VRTN: variants seen among roughly 807,000 people sequenced by gnomAD.
VRTN encodes the protein vertnin.
Under a neutral mutation model 18.2 loss-of-function variants are expected in VRTN, and 5 were observed. The ratio of observed to expected loss-of-function variants is 0.27; its 90% CI spans 0.14 to 0.58. VRTN has a LOEUF of 0.58. Among genes scored for constraint, VRTN ranks in the 20% least tolerant of loss-of-function variants. VRTN has a pLI of 0.91. For synonymous variants in VRTN, 381 were observed against 393.7 expected, an observed-to-expected ratio of 0.97 and a Z score of 0.38; for missense variants, 741 against 939.4, an observed-to-expected ratio of 0.79 and a Z score of 2.76.
At chr14:74,313,535 G>A (rs1403958970) in intron 1 of VRTN, among the ~76,000 whole-genome samples, 1 of 152,186 alleles carries the variant, frequency 6.6e-6, no homozygotes, top group Non-Finnish European at 1.5e-5. Context: ...TTCCCCAAGT[G>A]AGAACAGCCT....
At chr14:74,346,221 C>A (rs1456313008), upstream of VRTN, among the ~76,000 whole-genome samples, 1 of 151,872 alleles carries the variant, frequency 6.6e-6, no homozygotes, top group African/African-American at 2.4e-5. Flanking sequence ...CAGGATCACT[C>A]GAGCTCGGAG....
At chr14:74,336,017 A>G (rs2085561581) in intron 1 of VRTN, among the ~76,000 whole-genome samples, 1 of 151,750 alleles carries the variant, frequency 6.6e-6, no homozygotes, top group South Asian at 2.1e-4. Context: ...CTGGTATTAC[A>G]GGTGTGAGCC....
intron 1 of VRTN, among the ~76,000 whole-genome samples, chr14:74,321,376 C>T (rs758739578): frequency 1.3e-5 from 2 of 152,092 alleles, no homozygotes; most frequent in Admixed American, 6.6e-5. Flanking sequence ...TTTCACAGAA[C>T]GCAAAACTGA....
At chr14:74,339,466 A>G (rs1244955157) in intron 2 of VRTN, among the ~76,000 whole-genome samples, 3 of 152,020 alleles carry the variant, frequency 2.0e-5, no homozygotes, top group Non-Finnish European at 4.4e-5. Flanking sequence ...AGGGTAAAAG[A>G]GAAGGGTGGA....
chr14:74,342,141 G>A lies in VRTN; in HGVS notation c.-2+4257G>A, dbSNP rs532207229. ...CTCCTGTTCCTCAGGAGGCAGAGGC[G>A]GAGGCAGAGGCAGAAGAATCCCTTG... is the stretch of plus-strand genomic sequence containing the variant. On this transcript the variant is annotated intron_variant, in intron 2 of 2. Coordinates refer to the VRTN transcript ENST00000557177. Among the ~76,000 whole-genome samples, 12 of 152,116 alleles carry A rather than the reference G, an allele frequency of 7.9e-5. No individual in the cohort carries two copies. The East Asian group carries it at 2.1e-3, about 27-fold the overall frequency.
chr14:74,343,888 C>T (rs1252726264), upstream of VRTN, among the ~76,000 whole-genome samples: 3 of 151,798 alleles, frequency 2.0e-5, no homozygotes, highest in Non-Finnish European at 4.4e-5. Flanking sequence ...CTCCGCCTCC[C>T]GGGTTCAAGT....
chr14:74,351,996 A>G (rs2085688547), intron 1 of VRTN, among the ~76,000 whole-genome samples: 1 of 151,500 alleles, frequency 6.6e-6, no homozygotes, highest in Non-Finnish European at 1.5e-5. Context: ...GGCGCGGGCC[A>G]CCATGCCCAG....
chr14:74,320,656 G>A (rs539286429), intron 1 of VRTN, among the ~76,000 whole-genome samples: 2 of 124,420 alleles, frequency 1.6e-5, no homozygotes, highest in East Asian at 2.4e-4. Context: ...GCGTGATCTC[G>A]GCTCACTGCA....
exon 1 of VRTN, chr14:74,303,097 C>G: frequency 1.9e-6 from 1 of 528,392 alleles, no homozygotes. Context: ...ACTCGGCTGA[C>G]CCGGCGGCTA....
chr14:74,355,600 TCTCTA>T (rs2085720615), intron 1 of VRTN, among the ~76,000 whole-genome samples: 1 of 152,158 alleles, frequency 6.6e-6, no homozygotes, highest in Non-Finnish European at 1.5e-5. Flanking sequence ...AGTGGCATGA[TCTCTA>T]CTCAGTGCGG....
intron 1 of VRTN, among the ~76,000 whole-genome samples, chr14:74,352,370 G>A (rs931717246): frequency 1.3e-5 from 2 of 151,054 alleles, no homozygotes; most frequent in African/African-American, 4.9e-5. Flanking sequence ...GTAGAGATGG[G>A]GTTTCACCAT....
Position 74,320,563 on chromosome 14 carries a change from C to CTT in VRTN, c.-163-17120_-163-17119dup, listed in dbSNP as rs35884901. 1.6e-4 allele frequency among the ~76,000 whole-genome samples: 7 copies of CTT among 45,028 alleles called. 2 individuals are homozygous for CTT. Among genetic ancestry groups the CTT allele is most frequent in the African/African-American group, 2.2e-4 (3 of 13,644 alleles). The allele number at this position is 45,028 out of a possible 152,430, so 29.5% of individuals were successfully genotyped here. A position where few individuals can be genotyped will look rare whatever the true frequency, so the allele number is the denominator to read the frequency against. On this transcript the variant is annotated intron_variant, in intron 1 of 2. Coordinates refer to the VRTN transcript ENST00000557177. The stretch of plus-strand genomic sequence containing the variant: ...AGACTTGAGCCACTGCGCCCGGCCT[C>CTT]TTTTTTTTTTTTTTTTTTTTTTTTT...
At chr14:74,330,169 C>T (rs143700416) in intron 1 of VRTN, among the ~76,000 whole-genome samples, 207 of 152,110 alleles carry the variant, frequency 1.4e-3, no homozygotes, top group Non-Finnish European at 2.5e-3. Context: ...GCCACTGTGC[C>T]GGGCCTGGAA....
At chr14:74,320,316 A>AG (rs1216822834) in intron 1 of VRTN, among the ~76,000 whole-genome samples, 1 of 123,900 alleles carries the variant, frequency 8.1e-6, no homozygotes, top group African/African-American at 3.1e-5. Context: ...GCTGGAGTGC[A>AG]GTGGCACAAT....
chr14:74,337,657 A>C (rs1478016446), intron 1 of VRTN: 1 of 152,148 alleles, frequency 6.6e-6, no homozygotes. Context: ...CCTAGTGGGT[A>C]CCTGTGCCTG....
Position 74,358,487 on chromosome 14 carries a change from G to T in VRTN, c.1704G>T (p.Gly568=), listed in dbSNP as rs527249475. ...TGCCGGTCCCCACCTTGGGCAAAGG[G>T]GGGCAGGAGGCTGAGGAGAAGCAGG... ...LQVPVPTLGK[G]GQEAEEKQEK... The change falls in exon 2 of 2, where the codon GGG becomes GGT. Residue 568 remains glycine (G), a synonymous_variant. Coordinates refer to ENST00000256362, the MANE Select transcript of VRTN (RefSeq NM_018228.3). This position sits in a 1 kb window ranked among gnomAD's most constrained non-coding sequence, Gnocchi z 5.4. 3.1e-6 allele frequency: 5 copies of T among 1,614,076 alleles called. No individual in the cohort carries two copies. Among genetic ancestry groups the T allele is most frequent in the South Asian group, 1.1e-5 (1 of 91,094 alleles).
intron 1 of VRTN, among the ~76,000 whole-genome samples, chr14:74,334,087 T>C (rs111262741): frequency 1.3e-5 from 2 of 152,284 alleles, no homozygotes; most frequent in African/African-American, 4.8e-5. Flanking sequence ...CCAGGCAATG[T>C]GGTTCCAGAA....
intron 2 of VRTN, among the ~76,000 whole-genome samples, chr14:74,338,765 C>T (rs1202999424): frequency 2.0e-5 from 3 of 152,040 alleles, no homozygotes; most frequent in Non-Finnish European, 4.4e-5. Flanking sequence ...CACTCTGTTG[C>T]CCAGGCTGGA....
In VRTN at chr14:74,356,757, T is replaced by C. The variant is rs1235466589; in HGVS notation, c.-1-26T>C. 5.1e-6 allele frequency: 8 copies of C among 1,556,014 alleles called. No homozygotes were observed. The South Asian group carries it at 6.0e-5, about 12-fold the overall frequency. ...CATCTGGGCACTTCGACCTGACTACTGCCCCTTTATCTTTTGCCCTGGCAG... is the reference window on the plus strand; with the variant it reads ...CATCTGGGCACTTCGACCTGACTACCGCCCCTTTATCTTTTGCCCTGGCAG... On this transcript the variant is annotated intron_variant, in intron 1 of 1. Transcript: ENST00000256362.
Sources: gnomAD v4.1 joint callset for allele counts (sites outside exome capture counted in the v4.1 genomes callset) on GRCh38, gnomAD v4.1.1 for gene constraint, Gnocchi (gnomAD v3.1) non-coding constraint, MANE v1.5 for transcripts, NCBI Gene and HGNC (gene_info 2026-07-23, HGNC 2026-07-21) for gene names.